The following SDK2 variants were observed in gnomAD, a reference collection of about 807,000 sequenced individuals.
The protein encoded by SDK2 is sidekick cell adhesion molecule 2, also known as protein sidekick-2.
In SDK2, 105 loss-of-function variants were observed where a neutral mutation model predicts 253.9. That is an observed-to-expected ratio of 0.41 (90% confidence interval 0.35 to 0.49). The LOEUF (loss-of-function observed/expected upper bound fraction) is 0.49, where lower values mean the gene tolerates loss of function less well. SDK2 is among the 20% of genes least tolerant of loss of function. The pLI is 0.06. For missense variants in SDK2, 2,608 were observed against 3,003.0 expected, an observed-to-expected ratio of 0.87 and a Z score of 3.07; for synonymous variants, 1,249 against 1,234.9, an observed-to-expected ratio of 1.01 and a Z score of -0.24.
intron 1 of SDK2, among the ~76,000 whole-genome samples, chr17:73,602,131 C>T (rs1046775524): frequency 5.3e-5 from 8 of 152,186 alleles, no homozygotes; most frequent in Non-Finnish European, 5.9e-5. Context: ...GAGTTGGCCA[C>T]GTTTGGGAAA....
intron 27 of SDK2, among the ~76,000 whole-genome samples, chr17:73,391,996 C>T (rs1599516908): frequency 2.0e-5 from 3 of 152,222 alleles, no homozygotes; most frequent in African/African-American, 2.4e-5. Context: ...CCTGGGACCC[C>T]GGAATTCCCT....
At chr17:73,508,402 A>G (rs1241652701) in intron 1 of SDK2, among the ~76,000 whole-genome samples, 1 of 152,246 alleles carries the variant, frequency 6.6e-6, no homozygotes, top group Non-Finnish European at 1.5e-5. Context: ...CCTTCTGGCC[A>G]GTGTGGGAGA....
chr17:73,464,734 C>T (rs1222400369), intron 3 of SDK2, among the ~76,000 whole-genome samples: 2 of 152,132 alleles, frequency 1.3e-5, no homozygotes, highest in Non-Finnish European at 2.9e-5. Flanking sequence ...CTTTGAGACT[C>T]GATTCCATGT....
At chr17:73,499,952 C>T (rs1033726912) in intron 2 of SDK2, among the ~76,000 whole-genome samples, 1 of 150,454 alleles carries the variant, frequency 6.6e-6, no homozygotes, top group African/African-American at 2.5e-5. Flanking sequence ...TTCTTCTATT[C>T]GATTTTAAGT....
In SDK2 at chr17:73,361,814, C is replaced by T. The variant is rs761776245; in HGVS notation, c.5337G>A (p.Lys1779=). 1.2e-6 allele frequency: 2 copies of T among 1,605,486 alleles called. No homozygotes were observed. The highest frequency in any genetic ancestry group is 1.7e-5 in the Admixed American group (1 of 58,748). The change falls in exon 39 of 45, where the codon AAG becomes AAA. Residue 1779 remains lysine, a synonymous_variant. Coordinates refer to ENST00000392650, the MANE Select transcript of SDK2 (RefSeq NM_001144952.2). This position sits in a 1 kb window ranked among gnomAD's most constrained non-coding sequence, Gnocchi z 4.1. ...GVSKIVTVDV[K]GNSPLWLKVK... is the part of the protein sequence containing the mutation. Reference sequence around the variant, plus strand: ...CCTTCAGCCACAGGGGGCTGTTCCCCTTCACGTCCACGGTCACGATCTTGC... The same window carrying T: ...CCTTCAGCCACAGGGGGCTGTTCCCTTTCACGTCCACGGTCACGATCTTGC...
chr17:73,490,774 C>A (rs759902578), intron 2 of SDK2, among the ~76,000 whole-genome samples: 1 of 151,880 alleles, frequency 6.6e-6, no homozygotes, highest in Non-Finnish European at 1.5e-5. Context: ...GATCCACCAC[C>A]CCTTGGCCTC....
chr17:73,620,000 ACCAG>A (rs971313924), intron 1 of SDK2, among the ~76,000 whole-genome samples: 1 of 152,144 alleles, frequency 6.6e-6, no homozygotes, highest in Non-Finnish European at 1.5e-5. Flanking sequence ...GGAGTTCAAG[ACCAG>A]CCTGGGCAAC....
At chr17:73,369,739 C>T (rs538657391) in intron 36 of SDK2, among the ~76,000 whole-genome samples, 5 of 152,124 alleles carry the variant, frequency 3.3e-5, no homozygotes, top group Non-Finnish European at 5.9e-5. Context: ...CTCCGCCTCA[C>T]GGGTTCACGC....
chr17:73,414,700 A>G lies in SDK2; in HGVS notation c.2428T>C (p.Phe810Leu). The G allele has an allele frequency of 1.2e-6, 2 of 1,613,862 alleles. No individual in the cohort carries two copies. ...AEATNSTTIR[F>L]TWNAPSPQFI... Reference sequence around the variant, plus strand: ...TGGGGGCTGGGGGCGTTCCAGGTGAAGCGGATGGTCGTGGAATTGGTGGCT... The same window carrying G: ...TGGGGGCTGGGGGCGTTCCAGGTGAGGCGGATGGTCGTGGAATTGGTGGCT... The change falls in exon 18 of 45, where the codon TTC becomes CTC. Residue 810 changes from phenylalanine (F) to leucine (L), a missense_variant. By Grantham distance (22) the Phe-to-Leu change is conservative (BLOSUM62 0). This residue lies in a region of SDK2 where 1,505 missense variants were observed against 1,859.1 expected (regional missense o/e 0.81). Transcript: ENST00000392650.
intron 2 of SDK2, among the ~76,000 whole-genome samples, chr17:73,501,745 G>A (rs1419778827): frequency 3.9e-5 from 6 of 152,178 alleles, no homozygotes; most frequent in Non-Finnish European, 5.9e-5. Context: ...GGATCTTGTC[G>A]AGACAGACAC....
At chr17:73,460,871 C>T (rs1295887701) in intron 3 of SDK2, among the ~76,000 whole-genome samples, 1 of 152,200 alleles carries the variant, frequency 6.6e-6, no homozygotes, top group African/African-American at 2.4e-5. Flanking sequence ...TTTCACAGAA[C>T]TCAGAAGATA....
chr17:73,626,415 T>C (rs2046203076), intron 1 of SDK2, among the ~76,000 whole-genome samples: 1 of 152,256 alleles, frequency 6.6e-6, no homozygotes. Flanking sequence ...TATGCCAGCC[T>C]GTCCCAGGGG....
At chr17:73,640,095 G>A (rs1003424037) in intron 1 of SDK2, among the ~76,000 whole-genome samples, 10 of 152,176 alleles carry the variant, frequency 6.6e-5, no homozygotes, top group African/African-American at 2.2e-4. Flanking sequence ...CCATTCAGGC[G>A]CTGTTTAAAC....
At chr17:73,415,599 A>G (rs2063173778) in intron 17 of SDK2, among the ~76,000 whole-genome samples, 2 of 151,980 alleles carry the variant, frequency 1.3e-5, no homozygotes, top group African/African-American at 4.8e-5. Flanking sequence ...CACCTGCCAT[A>G]GCCTCCTGAG....
chr17:73,394,281 G>C lies in SDK2; in HGVS notation c.3636C>G (p.Thr1212=). The C allele has an allele frequency of 1.9e-6, 3 of 1,602,886 alleles. No individual in the cohort carries two copies. The highest frequency in any genetic ancestry group is 2.6e-6 in the Non-Finnish European group (3 of 1,172,896). ...GPTNVSALAT[T]SSSMLVRWSE... The stretch of plus-strand genomic sequence containing the variant: ...TCCAGCGCACCAGCATGCTGCTGGA[G>C]GTGGTGGCCAGTGCAGACACATTGG... Residue 1212 remains threonine, a synonymous_variant, in exon 26 of 45, where the codon ACC becomes ACG. Coordinates refer to ENST00000392650, the MANE Select transcript of SDK2 (RefSeq NM_001144952.2).
intron 2 of SDK2, among the ~76,000 whole-genome samples, chr17:73,495,614 T>C (rs1440708830): frequency 7.4e-6 from 1 of 135,560 alleles, no homozygotes; most frequent in African/African-American, 2.8e-5. Context: ...ATTGGAGGCC[T>C]GCCCCGTGTG....
intron 9 of SDK2, among the ~76,000 whole-genome samples, chr17:73,434,504 C>T (rs538794333): frequency 2.5e-4 from 38 of 152,210 alleles, no homozygotes; most frequent in African/African-American, 7.5e-4. Flanking sequence ...GCCCTGTCCG[C>T]GGCCTCTGTG....
chr17:73,501,620 G>A (rs2145748254), intron 2 of SDK2, among the ~76,000 whole-genome samples: 1 of 152,360 alleles, frequency 6.6e-6, no homozygotes, highest in Non-Finnish European at 1.5e-5. Context: ...GGTTCTCACA[G>A]CTCTTGCCTA....
chr17:73,544,814 C>T (rs1599665941), intron 1 of SDK2, among the ~76,000 whole-genome samples: 2 of 152,150 alleles, frequency 1.3e-5, no homozygotes, highest in African/African-American at 2.4e-5. Flanking sequence ...GGTCAGAGCT[C>T]GGGTGTGCAG....
Sources: allele counts gnomAD v4.1 joint callset (sites outside exome capture counted in the v4.1 genomes callset), GRCh38; gene constraint gnomAD v4.1.1; regional missense constraint gnomAD v4.1.1; non-coding constraint Gnocchi (gnomAD v3.1); transcripts MANE v1.5; gene names NCBI Gene and HGNC (gene_info 2026-07-23, HGNC 2026-07-21).